INTS1: variants seen among roughly 807,000 people sequenced by gnomAD.
The protein encoded by INTS1 is integrator complex subunit 1.
A neutral mutation model predicts 241.6 loss-of-function variants in INTS1; 137 were observed. That is an observed-to-expected ratio of 0.57 (90% CI 0.49 to 0.65). The LOEUF (loss-of-function observed/expected upper bound fraction) is 0.65, where lower values mean the gene tolerates loss of function less well. Among genes scored for constraint, INTS1 ranks in the 30% least tolerant of loss-of-function variants. INTS1 has a pLI of 0.00. For missense variants in INTS1, 3,073 were observed against 3,032.2 expected, an observed-to-expected ratio of 1.01 and a Z score of -0.32; for synonymous variants, 1,692 against 1,337.8, an observed-to-expected ratio of 1.26 and a Z score of -5.78.
intron 33 of INTS1, 56 bp from the exon 34 acceptor site, chr7:1,477,992 G>T: frequency 6.8e-7 from 1 of 1,477,274 alleles, no homozygotes; most frequent in Non-Finnish European, 9.4e-7. Flanking sequence ...GGGGGCCGCT[G>T]AGTGGGTGTG....
chr7:1,488,383 C>T (rs1372043222), intron 18 of INTS1, among the ~76,000 whole-genome samples: 3 of 152,166 alleles, frequency 2.0e-5, no homozygotes, highest in African/African-American at 7.2e-5. Context: ...GTGGCTTCGG[C>T]GTGTTCCAAA....
rs769598084 is a variant in INTS1, at chr7:1,489,695, G to C, written c.2166-13C>G. On this transcript the variant is annotated splice_polypyrimidine_tract_variant and intron_variant, in intron 16 of 47. Transcript: ENST00000404767. ...CGGAGGCTGGTACCTGGAAGGCAGG[G>C]GCGCCCCGACTCAGGCCCAGCGCAC... 1.3e-6 allele frequency: 2 copies of C among 1,501,748 alleles called. No homozygotes were observed. Among genetic ancestry groups the C allele is most frequent in the African/African-American group, 1.4e-5 (1 of 71,708 alleles). 93.0% of individuals were successfully genotyped at this position (1,501,748 alleles called of 1,614,324 possible).
At chr7:1,487,619 C>T (rs7785978) in intron 19 of INTS1, 141 bp downstream of exon 19, 552,823 of 1,270,988 alleles carry the variant, frequency 0.43, 126,288 homozygotes, top group East Asian at 0.73. Flanking sequence ...GCCAGGGACG[C>T]GGGGACGGGG....
rs748438598 is a variant in INTS1, at chr7:1,497,697, C to T, written c.1426-383G>A. 1.3e-5 allele frequency among the ~76,000 whole-genome samples: 2 copies of T among 152,158 alleles called. No individual in the cohort carries two copies. The highest frequency in any genetic ancestry group is 2.9e-5 in the Non-Finnish European group (2 of 67,992). On this transcript the variant is annotated intron_variant, in intron 10 of 47. Transcript: ENST00000404767. The surrounding 1 kb of genome is among the most constrained non-coding windows in gnomAD (Gnocchi z 5.3). ...CAAGATCTGAAAGGATCTGAAAGGA[C>T]GCACTCCTGTCTCAAAATGCCAGGC...
intron 38 of INTS1, 45 bp downstream of exon 38, chr7:1,476,184 A>G (rs1781708000): frequency 1.3e-6 from 2 of 1,533,722 alleles, no homozygotes; most frequent in African/African-American, 2.7e-5. Context: ...GACCCCCTCC[A>G]TGGCTCACTC....
chr7:1,491,284 G>C (rs1782536565), intron 16 of INTS1, among the ~76,000 whole-genome samples: 1 of 152,224 alleles, frequency 6.6e-6, no homozygotes, highest in Admixed American at 6.5e-5. Flanking sequence ...CGGAAGTGAG[G>C]TCCAGGAACA....
At chr7:1,503,290 G>C (rs1226833435) in intron 2 of INTS1, 99 bp from the exon 3 acceptor site, 2 of 1,312,684 alleles carry the variant, frequency 1.5e-6, no homozygotes, top group East Asian at 2.4e-5. Context: ...GATTAAACAA[G>C]GGTCAGAGGA....
At chr7:1,476,979 G>A (rs2128534049) in intron 35 of INTS1, 61 bp from the exon 36 acceptor site, 1 of 1,552,318 alleles carries the variant, frequency 6.4e-7, no homozygotes, top group Non-Finnish European at 8.7e-7. Context: ...CTCTGCTGAA[G>A]TCAGCTGACA....
rs1562485250 is a variant in INTS1, at chr7:1,474,213, CT to C, written c.5783del (p.Gln1928ArgfsTer16). The C allele has an allele frequency of 6.3e-7, 1 of 1,594,618 alleles. No individual in the cohort carries two copies. Among genetic ancestry groups the C allele is most frequent in the Non-Finnish European group, 8.5e-7 (1 of 1,172,134 alleles). Reference protein sequence around the residue: ...LQPHVFRSEHQGALWDCLLSF... With the variant: ...LQPHVFRSEHXGALWDCLLSF... The stretch of plus-strand genomic sequence containing the variant: ...ACAGAAGGCAGTCCCACAGCGCCCC[CT>C]GGTGCTCGCTGCGGAACACGTGCGG... On this transcript the variant is annotated frameshift_variant, in exon 41 of 48. Transcript: ENST00000404767. LOFTEE classifies it high-confidence loss of function.
At chr7:1,475,195 C>A (rs1454866525) in intron 39 of INTS1, among the ~76,000 whole-genome samples, 1 of 152,108 alleles carries the variant, frequency 6.6e-6, no homozygotes, top group African/African-American at 2.4e-5. Context: ...CTAGCCTGGG[C>A]AATGAAAATA....
rs1185889184 is a variant in INTS1 at position 1,476,570 on chromosome 7, C to CTGCGGGG, written c.5144_5150dup (p.Gln1717HisfsTer60). ...GATGGGCCACCCTCCCAAGACCTGC[C>CTGCGGGG]TGCGGGGTGCGCTGGTCCCGCCCCT... On this transcript the variant is annotated frameshift_variant and splice_region_variant, in exon 37 of 48. Coordinates refer to ENST00000404767, the MANE Select transcript of INTS1 (RefSeq NM_001080453.3). LOFTEE classifies it high-confidence loss of function. The CTGCGGGG allele has an allele frequency of 1.4e-6, 2 of 1,465,604 alleles. No individual in the cohort carries two copies. 90.8% of individuals were successfully genotyped at this position (1,465,604 alleles called of 1,614,324 possible).
chr7:1,482,971 A>G (rs11971663), intron 26 of INTS1: 234,884 of 469,672 alleles, frequency 0.5, 62,693 homozygotes, highest in African/African-American at 0.77. Context: ...GCGTGTCCCC[A>G]TCCAGCCCCT....
rs991777992 is a variant in INTS1, at chr7:1,472,360, G to A, written c.6097C>T (p.Leu2033=). The change falls in exon 44 of 48, where the codon CTG becomes TTG. Residue 2033 remains leucine (L), a synonymous_variant. Coordinates refer to ENST00000404767, the MANE Select transcript of INTS1 (RefSeq NM_001080453.3). ...GGGGTGAACAGGGAGACGCTGACCA[G>A]GGGCAAGGAGCCGGCTGAGCTCTCC... The part of the protein sequence containing the change: ...EEESSAGSLP[L]VSVSLFTPLT... 3.2e-6 allele frequency: 5 copies of A among 1,567,266 alleles called. No individual in the cohort carries two copies. The African/African-American group carries it at 5.4e-5, about 17-fold the overall frequency.
intron 37 of INTS1, 42 bp from the exon 38 acceptor site, chr7:1,476,497 C>T: frequency 6.3e-7 from 1 of 1,599,008 alleles, no homozygotes; most frequent in Non-Finnish European, 8.5e-7. Flanking sequence ...ACCACCGCCT[C>T]TCCCGGATGG....
Position 1,474,180 on chromosome 7 carries a change from G to C in INTS1, c.5817C>G (p.Ile1939Met), listed in dbSNP as rs1211573714. 6.4e-7 allele frequency: 1 copy of C among 1,572,800 alleles called. No individual in the cohort carries two copies. Among genetic ancestry groups the C allele is most frequent in the Admixed American group, 1.7e-5 (1 of 57,870 alleles). Residue 1939 changes from isoleucine to methionine, a missense_variant, in exon 41 of 48, where the codon ATC becomes ATG. Transcript: ENST00000404767. ...CGGGAGCACACACCAGCAGCAGGCG[G>C]ATGAAGGACAGAAGGCAGTCCCACA... ...GALWDCLLSF[I>M]RLLLNYRKSS...
chr7:1,485,258 T>C, intron 23 of INTS1, 32 bp downstream of exon 23: 2 of 1,597,800 alleles, frequency 1.3e-6, no homozygotes, highest in Non-Finnish European at 1.7e-6. Context: ...CCTCTCATCT[T>C]TCCCTGCCGC....
chr7:1,492,895 GGC>G, intron 16 of INTS1, 113 bp downstream of exon 16: 7 of 605,538 alleles, frequency 1.2e-5, no homozygotes, highest in South Asian at 6.1e-5. Flanking sequence ...TGGGGAGCGG[GGC>G]GCAGGCTTAC....
chr7:1,489,459 G>C, intron 17 of INTS1, 55 bp from the exon 18 acceptor site: 1 of 1,571,292 alleles, frequency 6.4e-7, no homozygotes, highest in Non-Finnish European at 8.6e-7. Context: ...CCAGGCGTGT[G>C]ACCCCCGCTT....
In INTS1 at chr7:1,471,224, T is replaced by G; in HGVS notation, c.6256A>C (p.Thr2086Pro). Residue 2086 changes from threonine (T) to proline (P), a missense_variant and splice_region_variant, in exon 46 of 48, where the codon ACC becomes CCC. Physicochemically the swap from Thr to Pro is conservative, Grantham distance 38. Coordinates refer to ENST00000404767, the MANE Select transcript of INTS1 (RefSeq NM_001080453.3). ...RRPEILSFFS[T>P]NLQRLMSSAE... ...GAGCTCATCAGCCGCTGCAGGTTGG[T>G]CTGACCGGGGGAAAGGTGGGAGGTG... The G allele has an allele frequency of 6.4e-7, 1 of 1,574,774 alleles. No homozygotes were observed. The highest frequency in any genetic ancestry group is 8.6e-7 in the Non-Finnish European group (1 of 1,161,540).
Sources: gnomAD v4.1 joint callset for allele counts (sites outside exome capture counted in the v4.1 genomes callset) on GRCh38, gnomAD v4.1.1 for gene constraint, Gnocchi (gnomAD v3.1) non-coding constraint, MANE v1.5 for transcripts, NCBI Gene and HGNC (gene_info 2026-07-23, HGNC 2026-07-21) for gene names.